Variants in C12orf42 observed in about 807,000 individuals in gnomAD.
C12orf42 encodes the protein uncharacterized protein C12orf42.
C12orf42 carries 25 observed loss-of-function variants against 21.6 expected under a neutral mutation model. The observed-to-expected ratio is 1.16, with a 90% CI of 0.84 to 1.62. C12orf42 has a LOEUF of 1.62. Among genes scored for constraint, C12orf42 ranks in the 40% most tolerant of loss-of-function variants. The probability of loss-of-function intolerance (pLI) is 0.00; values close to 1 mark genes in which losing one functional copy is unlikely to be tolerated. For synonymous variants in C12orf42, 174 were observed against 175.0 expected (o/e 0.99, Z 0.05); for missense variants, 483 against 459.3 (o/e 1.05, Z -0.47).
At chr12:103,197,388 T>C in the C12orf42 span, among the ~76,000 whole-genome samples, 2 of 152,190 alleles carry the variant, frequency 1.3e-5, no homozygotes, top group African/African-American at 2.4e-5. Flanking sequence ...ATACTTGTAG[T>C]GAGTTTGTTT....
At chr12:103,207,406 C>T in the C12orf42 span, among the ~76,000 whole-genome samples, 9 of 152,300 alleles carry the variant, frequency 5.9e-5, no homozygotes, top group Non-Finnish European at 1.0e-4. Context: ...TCAGAAGCCA[C>T]GTTGCCTTCT....
At position 103,302,375 on chromosome 12, in the gene C12orf42, G is replaced by A. The variant is rs746876517; in HGVS notation, c.816C>T (p.Pro272=). The A allele has an allele frequency of 5.6e-5, 90 of 1,613,794 alleles. No homozygotes were observed. Among genetic ancestry groups the A allele is most frequent in the African/African-American group, 1.3e-5 (1 of 74,900 alleles). The part of the protein sequence containing the change: ...QSRLLGASGN[P]VGKGAVAMAP... ...CCATGGCAACCGCGCCTTTTCCGAC[G>A]GGATTTCCGGACGCGCCCAGGAGTC... Residue 272 remains proline (P), a synonymous_variant, in exon 6 of 6, where the codon CCC becomes CCT. Coordinates refer to ENST00000548883, the MANE Select transcript of C12orf42 (RefSeq NM_198521.5).
the C12orf42 span, among the ~76,000 whole-genome samples, chr12:103,188,313 T>C: frequency 6.6e-6 from 1 of 152,208 alleles, no homozygotes; most frequent in East Asian, 1.9e-4. Flanking sequence ...CATAAGTTTA[T>C]TGGGGTACAG....
chr12:103,162,189 T>C, the C12orf42 span, among the ~76,000 whole-genome samples: 1 of 152,174 alleles, frequency 6.6e-6, no homozygotes, highest in Non-Finnish European at 1.5e-5. Flanking sequence ...TGAGAGTGAA[T>C]TGGCATAAGC....
At chr12:103,130,119 T>C in the C12orf42 span, among the ~76,000 whole-genome samples, 1 of 152,096 alleles carries the variant, frequency 6.6e-6, no homozygotes, top group Non-Finnish European at 1.5e-5. Flanking sequence ...GCAGACACTG[T>C]AGCTGCACTG....
chr12:103,319,691 C>A (rs1404511863), intron 4 of C12orf42, among the ~76,000 whole-genome samples: 2 of 152,250 alleles, frequency 1.3e-5, no homozygotes, highest in Non-Finnish European at 2.9e-5. Flanking sequence ...GGCCGTCTGG[C>A]CAATACATCT....
the C12orf42 span, among the ~76,000 whole-genome samples, chr12:103,145,046 CT>C: frequency 1.1e-4 from 16 of 152,288 alleles, no homozygotes; most frequent in African/African-American, 3.8e-4. Context: ...TAGACATCAT[CT>C]TTTCCCATGA....
intron 2 of C12orf42, among the ~76,000 whole-genome samples, chr12:103,437,103 G>A (rs1264516978): frequency 2.4e-4 from 36 of 151,742 alleles, no homozygotes; most frequent in East Asian, 2.3e-3. Context: ...TAAGAATCTC[G>A]CTCAAAACCG....
intron 10 of C12orf42, among the ~76,000 whole-genome samples, chr12:103,259,759 A>C (rs2034798757): frequency 6.6e-6 from 1 of 152,176 alleles, no homozygotes; most frequent in African/African-American, 2.4e-5. Flanking sequence ...CCTCTACCTC[A>C]TGGTCATAAG....
the C12orf42 span, among the ~76,000 whole-genome samples, chr12:103,541,580 GTTAA>G: frequency 1.3e-5 from 2 of 152,060 alleles, no homozygotes; most frequent in Admixed American, 6.5e-5. Flanking sequence ...ACTTGATCAT[GTTAA>G]TTAATGACTT....
intron 2 of C12orf42, among the ~76,000 whole-genome samples, chr12:103,451,537 A>G (rs139062713): frequency 2.0e-5 from 3 of 152,070 alleles, no homozygotes; most frequent in Non-Finnish European, 2.9e-5. Flanking sequence ...AACCCAGCCA[A>G]TTCTGGTCTC....
At chr12:103,459,508 G>A (rs749734089) in intron 2 of C12orf42, among the ~76,000 whole-genome samples, 3 of 152,090 alleles carry the variant, frequency 2.0e-5, no homozygotes, top group Non-Finnish European at 4.4e-5. Flanking sequence ...GACTGCTCCT[G>A]CTTCACCTCC....
chr12:103,427,293 A>T (rs1487044842), intron 2 of C12orf42, among the ~76,000 whole-genome samples: 4 of 105,866 alleles, frequency 3.8e-5, no homozygotes, highest in African/African-American at 1.2e-4. Flanking sequence ...GCAAAAAAAA[A>T]AGAAAAAAAA....
At chr12:103,278,729 G>C (rs2035927582) in intron 4 of C12orf42, among the ~76,000 whole-genome samples, 1 of 152,232 alleles carries the variant, frequency 6.6e-6, no homozygotes, top group African/African-American at 2.4e-5. Flanking sequence ...GGGGCTCTAA[G>C]TGGGGAAACT....
At chr12:103,439,045 G>A (rs1950980440) in intron 2 of C12orf42, among the ~76,000 whole-genome samples, 1 of 152,016 alleles carries the variant, frequency 6.6e-6, no homozygotes, top group South Asian at 2.1e-4. Context: ...GCATGGTACT[G>A]GTACCAAAAC....
At chr12:103,439,416 T>C (rs950473325) in intron 2 of C12orf42, among the ~76,000 whole-genome samples, 1 of 142,250 alleles carries the variant, frequency 7.0e-6, no homozygotes, top group African/African-American at 2.6e-5. Context: ...TGGGATCTAA[T>C]TAAACTAAAG....
chr12:103,141,329 C>A, the C12orf42 span, among the ~76,000 whole-genome samples: 1 of 152,008 alleles, frequency 6.6e-6, no homozygotes, highest in Non-Finnish European at 1.5e-5. Flanking sequence ...CAGTAAAGAA[C>A]CCCAAATATA....
At chr12:103,417,193 A>G (rs770104018) in intron 2 of C12orf42, among the ~76,000 whole-genome samples, 11 of 152,180 alleles carry the variant, frequency 7.2e-5, no homozygotes, top group Non-Finnish European at 1.3e-4. Flanking sequence ...ATACTTGAGT[A>G]ATTTTAATGG....
chr12:103,192,612 A>G, the C12orf42 span, among the ~76,000 whole-genome samples: 9 of 152,300 alleles, frequency 5.9e-5, no homozygotes, highest in Admixed American at 5.9e-4. Context: ...ACATGAGATA[A>G]GATAGACTTT....
Sources: gnomAD v4.1 joint callset for allele counts (sites outside exome capture counted in the v4.1 genomes callset) on GRCh38, gnomAD v4.1.1 for gene constraint, MANE v1.5 for transcripts, NCBI Gene and HGNC (gene_info 2026-07-23, HGNC 2026-07-21) for gene names.